The following MGST1 variants were observed in gnomAD, a reference collection of about 807,000 sequenced individuals.
The protein encoded by MGST1 is microsomal glutathione S-transferase 1.
Under a neutral mutation model 8.9 loss-of-function variants are expected in MGST1, and 5 were observed. That is an observed-to-expected ratio of 0.56 (90% confidence interval 0.29 to 1.19). The LOEUF is 1.19. Ranked by LOEUF, MGST1 falls within the 50% of genes most tolerant of loss-of-function variation. MGST1 has a pLI of 0.08. For missense variants in MGST1, 182 were observed against 187.4 expected, an observed-to-expected ratio of 0.97 and a Z score of 0.17; for synonymous variants, 54 against 67.8, an observed-to-expected ratio of 0.80 and a Z score of 1.00.
Position 16,401,311 on chromosome 12 carries a change from A to C in MGST1, n.778+17707A>C. 1 of 1,461,994 alleles carries C rather than the reference A, an allele frequency of 6.8e-7. No individual in the cohort carries two copies. The highest frequency in any genetic ancestry group is 9.6e-7 in the Non-Finnish European group (1 of 1,045,150). 90.6% of individuals were successfully genotyped at this position (1,461,994 alleles called of 1,614,324 possible). On this transcript the variant is annotated intron_variant and non_coding_transcript_variant, in intron 1 of 1. Coordinates refer to the MGST1 transcript ENST00000359720. This position sits in a 1 kb window ranked among gnomAD's most constrained non-coding sequence, Gnocchi z 4.3. ...GATGCTGAAAACCATTCCTGTCTTC[A>C]GTTTGTATTGATTTTTACTATTGAT... is the stretch of plus-strand genomic sequence containing the variant.
chr12:16,519,175 A>C (rs969974376), intron 4 of MGST1, among the ~76,000 whole-genome samples: 7 of 152,194 alleles, frequency 4.6e-5, no homozygotes, highest in African/African-American at 1.7e-4. Flanking sequence ...TCATCTGTAA[A>C]GCAGAACTGG....
rs190475869 is a variant in MGST1, at chr12:16,456,122, C to T, written n.482+72518C>T. Among the ~76,000 whole-genome samples the T allele has an allele frequency of 3.5e-3, 531 of 151,604 alleles. 1 individual carries two copies. The highest frequency in any genetic ancestry group is 5.9e-3 in the Non-Finnish European group (402 of 67,764). ...TCTGTTATATGCCTGATATCGTGCC[C>T]GGCTCCAGGATGTCTCTATAATTTT... On this transcript the variant is annotated intron_variant and non_coding_transcript_variant, in intron 4 of 4. Transcript: ENST00000538857.
At chr12:16,496,706 T>C (rs773622601) in intron 4 of MGST1, among the ~76,000 whole-genome samples, 13 of 152,102 alleles carry the variant, frequency 8.5e-5, no homozygotes, top group Non-Finnish European at 1.6e-4. Flanking sequence ...TAGCTGCCAC[T>C]TACAAGTGGG....
chr12:16,376,066 G>A, intron 3 of MGST1: 2 of 1,184,442 alleles, frequency 1.7e-6, no homozygotes, highest in Non-Finnish European at 1.1e-6. Flanking sequence ...GTGTTCACGT[G>A]TGTGTATATA....
intron 4 of MGST1, among the ~76,000 whole-genome samples, chr12:16,554,656 T>G (rs1441102461): frequency 6.6e-6 from 1 of 152,200 alleles, no homozygotes; most frequent in African/African-American, 2.4e-5. Context: ...CCACTATATC[T>G]ATTCACATTT....
chr12:16,483,285 G>A (rs1393144479), intron 4 of MGST1, among the ~76,000 whole-genome samples: 1 of 151,970 alleles, frequency 6.6e-6, no homozygotes, highest in East Asian at 1.9e-4. Context: ...ATTGGATCCT[G>A]ATGTGCCCTT....
intron 4 of MGST1, among the ~76,000 whole-genome samples, chr12:16,451,469 A>G (rs1441637553): frequency 1.3e-5 from 2 of 151,958 alleles, no homozygotes; most frequent in Non-Finnish European, 2.9e-5. Flanking sequence ...ACTTTGTTCC[A>G]TAGCTGAAAT....
intron 4 of MGST1, among the ~76,000 whole-genome samples, chr12:16,571,488 A>G (rs1031524508): frequency 6.6e-6 from 1 of 152,084 alleles, no homozygotes; most frequent in African/African-American, 2.4e-5. Context: ...TATAGATTGA[A>G]TATCTCTAAA....
At chr12:16,511,810 G>C (rs557992401) in intron 4 of MGST1, among the ~76,000 whole-genome samples, 2 of 152,194 alleles carry the variant, frequency 1.3e-5, no homozygotes, top group East Asian at 3.9e-4. Context: ...GAGTCTGATA[G>C]TGCAAATAGG....
chr12:16,557,396 C>T (rs1462624577), intron 4 of MGST1, among the ~76,000 whole-genome samples: 4 of 143,330 alleles, frequency 2.8e-5, no homozygotes, highest in African/African-American at 7.7e-5. Context: ...AAACGTAATT[C>T]CTAGTGTTTT....
Position 16,362,105 on chromosome 12 carries a change from A to G in MGST1, c.222-1690A>G, listed in dbSNP as rs749208052. On this transcript the variant is annotated intron_variant, in intron 3 of 3. Transcript: ENST00000396210. This position sits in a 1 kb window ranked among gnomAD's most constrained non-coding sequence, Gnocchi z 4.4. ...TGTGAAGGAGAACACTAACGTGCCTAAGATTGGAGGTGACGATATCTCTGT... is the reference window on the plus strand; with the variant it reads ...TGTGAAGGAGAACACTAACGTGCCTGAGATTGGAGGTGACGATATCTCTGT... Among the ~76,000 whole-genome samples the G allele has an allele frequency of 1.5e-4, 23 of 152,190 alleles. No homozygotes were observed. Among genetic ancestry groups the G allele is most frequent in the Non-Finnish European group, 3.1e-4 (21 of 68,040 alleles).
chr12:16,523,838 A>T lies in MGST1; in HGVS notation n.483-65690A>T, dbSNP rs547486301. 4.0e-4 allele frequency among the ~76,000 whole-genome samples: 61 copies of T among 152,194 alleles called. No individual in the cohort carries two copies. The South Asian group carries it at 0.012, about 30-fold the overall frequency. ...TCCAAGAGAAGAGATCTCAGAATGC[A>T]TTGCATTGTCAGCATTGTTAGAATA... On this transcript the variant is annotated intron_variant and non_coding_transcript_variant, in intron 4 of 4. Transcript: ENST00000538857.
chr12:16,431,283 A>G (rs529236027), intron 1 of MGST1, among the ~76,000 whole-genome samples: 2 of 152,232 alleles, frequency 1.3e-5, no homozygotes, highest in African/African-American at 4.8e-5. Context: ...CTTTCTTATC[A>G]TTCATGTGTT....
chr12:16,403,178 AT>A (rs1218151422), intron 1 of MGST1, among the ~76,000 whole-genome samples: 1 of 152,146 alleles, frequency 6.6e-6, no homozygotes, highest in African/African-American at 2.4e-5. Flanking sequence ...AATATGTAGG[AT>A]TTTTATTATC....
chr12:16,394,563 TTTCTTTCTTTCTTC>T lies in MGST1; in HGVS notation n.778+10961_778+10974del, dbSNP rs1288283814. On this transcript the variant is annotated intron_variant and non_coding_transcript_variant, in intron 1 of 1. Coordinates refer to the MGST1 transcript ENST00000359720. ...CTTTCTTTCTTTCTTTCTTTCTTTC[TTTCTTTCTTTCTTC>T]TCTCTGTCTCTCTTTTTTCTTTTCT... is the stretch of plus-strand genomic sequence containing the variant. Among the ~76,000 whole-genome samples the T allele has an allele frequency of 1.8e-4, 10 of 56,772 alleles. 2 individuals are homozygous for T. Among genetic ancestry groups the T allele is most frequent in the African/African-American group, 5.2e-4 (10 of 19,278 alleles). 37.2% of individuals were successfully genotyped at this position (56,772 alleles called of 152,430 possible).
intron 1 of MGST1, among the ~76,000 whole-genome samples, chr12:16,403,819 A>T (rs2137065419): frequency 6.6e-6 from 1 of 152,230 alleles, no homozygotes; most frequent in Admixed American, 6.5e-5. Context: ...AGCCCCTTAT[A>T]AAATCACCAG....
rs567618443 is a variant in MGST1 at position 16,546,596 on chromosome 12, A to T, written n.483-42932A>T. ...CATATTTTCCTTTTCAGAAAACAGA[A>T]TTCTTTTAATTAAAAACATTTTTAA... is the stretch of plus-strand genomic sequence containing the variant. On this transcript the variant is annotated intron_variant and non_coding_transcript_variant, in intron 4 of 4. Transcript: ENST00000538857. This position sits in a 1 kb window ranked among gnomAD's most constrained non-coding sequence, Gnocchi z 4.7. 6.6e-6 allele frequency among the ~76,000 whole-genome samples: 1 copy of T among 152,276 alleles called. No homozygotes were observed. The highest frequency in any genetic ancestry group is 1.9e-4 in the East Asian group (1 of 5,182).
chr12:16,535,552 C>G (rs962882887), intron 4 of MGST1, among the ~76,000 whole-genome samples: 1 of 152,178 alleles, frequency 6.6e-6, no homozygotes, highest in African/African-American at 2.4e-5. Flanking sequence ...CATGGGGATT[C>G]CCCAGTTACA....
intron 4 of MGST1, among the ~76,000 whole-genome samples, chr12:16,455,190 T>G (rs557338079): frequency 3.3e-5 from 5 of 152,058 alleles, no homozygotes; most frequent in Middle Eastern, 3.4e-3. Flanking sequence ...ACCTACCGGT[T>G]TGAAAAATAA....
Sources: gnomAD v4.1 joint callset for allele counts (sites outside exome capture counted in the v4.1 genomes callset) on GRCh38, gnomAD v4.1.1 for gene constraint, Gnocchi (gnomAD v3.1) non-coding constraint, MANE v1.5 for transcripts, NCBI Gene and HGNC (gene_info 2026-07-23, HGNC 2026-07-21) for gene names.